PCDH15: variants seen among roughly 807,000 people sequenced by gnomAD.
The protein encoded by PCDH15 is protocadherin related 15, also known as protocadherin-15.
PCDH15 carries 129 observed loss-of-function variants against 178.5 expected under a neutral mutation model. The observed-to-expected ratio is 0.72, with a 90% CI of 0.63 to 0.84. The LOEUF is 0.84. PCDH15 is among the 40% of genes least tolerant of loss of function. The probability of loss-of-function intolerance (pLI) is 0.00; values close to 1 mark genes in which losing one functional copy is unlikely to be tolerated. For synonymous variants in PCDH15, 800 were observed against 732.0 expected (o/e 1.09, Z -1.50); for missense variants, 2,230 against 2,099.9 (o/e 1.06, Z -1.21).
At chr10:55,085,365 G>T (rs896538973) in intron 2 of PCDH15, among the ~76,000 whole-genome samples, 2 of 151,858 alleles carry the variant, frequency 1.3e-5, no homozygotes, top group South Asian at 2.1e-4. Flanking sequence ...GTTTGTGGTG[G>T]AGAAGTGGCA....
chr10:54,619,115 CT>C (rs1374650407), intron 2 of PCDH15: 1 of 151,630 alleles, frequency 6.6e-6, no homozygotes, highest in Non-Finnish European at 1.5e-5. Flanking sequence ...CTGAAAACAT[CT>C]TACATTTTAT....
intron 8 of PCDH15, among the ~76,000 whole-genome samples, chr10:54,316,968 A>G (rs752012947): frequency 3.6e-4 from 55 of 152,222 alleles, no homozygotes; most frequent in Admixed American, 8.5e-4. Context: ...TGCTGCACTG[A>G]TTATTTGGAG....
intron 2 of PCDH15, among the ~76,000 whole-genome samples, chr10:55,499,687 G>A (rs542938863): frequency 1.3e-5 from 2 of 151,708 alleles, no homozygotes; most frequent in South Asian, 2.1e-4. Context: ...AAAATTCCAT[G>A]TTGACATGTA....
At chr10:54,223,179 C>T (rs2053042449) in intron 9 of PCDH15, among the ~76,000 whole-genome samples, 1 of 151,218 alleles carries the variant, frequency 6.6e-6, no homozygotes, top group African/African-American at 2.4e-5. Flanking sequence ...GGCATGGTGG[C>T]ACTTGCCTGT....
intron 8 of PCDH15, among the ~76,000 whole-genome samples, chr10:54,250,345 C>T (rs1167570272): frequency 6.9e-6 from 1 of 144,856 alleles, no homozygotes; most frequent in Non-Finnish European, 1.5e-5. Context: ...GGCAGTGGCG[C>T]AATCTCGGCT....
intron 18 of PCDH15, among the ~76,000 whole-genome samples, chr10:54,064,963 C>T (rs190283851): frequency 9.2e-5 from 14 of 152,126 alleles, no homozygotes; most frequent in Non-Finnish European, 1.3e-4. Flanking sequence ...TTGCTCCCAC[C>T]GGCTCCCTGG....
At chr10:55,042,258 A>T (rs1200207829) in intron 2 of PCDH15, among the ~76,000 whole-genome samples, 1 of 152,190 alleles carries the variant, frequency 6.6e-6, no homozygotes, top group Non-Finnish European at 1.5e-5. Context: ...TCAACAAATT[A>T]TATTGCAAAT....
chr10:55,263,894 C>G (rs938631059), intron 1 of PCDH15, among the ~76,000 whole-genome samples: 1 of 151,918 alleles, frequency 6.6e-6, no homozygotes, highest in African/African-American at 2.4e-5. Flanking sequence ...GCCACCACGC[C>G]CGGCTAATTT....
rs140461322 is a variant in PCDH15, at chr10:54,013,301, C to T, written c.2751+6891G>A. On this transcript the variant is annotated intron_variant, in intron 20 of 37. Transcript: ENST00000644397. The stretch of plus-strand genomic sequence containing the variant: ...CTACAAAGAGACTTCGATTTCCACA[C>T]AATAGTGGGACATTTCAATACCCCA... Among the ~76,000 whole-genome samples, 893 of 152,174 alleles carry T rather than the reference C, an allele frequency of 5.9e-3. 5 individuals carry two copies. Among genetic ancestry groups the T allele is most frequent in the African/African-American group, 0.02 (826 of 41,544 alleles).
At chr10:54,468,668 T>C (rs2077690242) in intron 3 of PCDH15, among the ~76,000 whole-genome samples, 1 of 152,188 alleles carries the variant, frequency 6.6e-6, no homozygotes, top group African/African-American at 2.4e-5. Flanking sequence ...TTTATTGGGT[T>C]TAAAGTGCAA....
chr10:54,088,587 T>C (rs1482120405), intron 16 of PCDH15, among the ~76,000 whole-genome samples: 1 of 152,200 alleles, frequency 6.6e-6, no homozygotes, highest in Non-Finnish European at 1.5e-5. Flanking sequence ...TTAATCTTTG[T>C]GCATTTTGTG....
intron 2 of PCDH15, among the ~76,000 whole-genome samples, chr10:54,936,875 CTTT>C (rs939664424): frequency 2.0e-5 from 3 of 151,480 alleles, no homozygotes; most frequent in South Asian, 2.1e-4. Context: ...ATCTATTTTT[CTTT>C]TGTTGTTTGT....
intron 5 of PCDH15, among the ~76,000 whole-genome samples, chr10:54,347,178 AT>A (rs889721544): frequency 1.3e-5 from 2 of 151,118 alleles, no homozygotes; most frequent in Non-Finnish European, 3.0e-5. Flanking sequence ...AATCACCGTT[AT>A]TTTTTTTTAC....
chr10:54,647,041 T>C (rs534313261), intron 2 of PCDH15, among the ~76,000 whole-genome samples: 37 of 152,206 alleles, frequency 2.4e-4, no homozygotes, highest in Admixed American at 7.2e-4. Context: ...AGCACTACCA[T>C]GTTACTGCAG....
intron 2 of PCDH15, among the ~76,000 whole-genome samples, chr10:55,403,170 T>C (rs145312188): frequency 7.2e-5 from 11 of 152,156 alleles, no homozygotes; most frequent in African/African-American, 2.6e-4. Flanking sequence ...ATTCAGATTC[T>C]TTGCCTAGTT....
intron 1 of PCDH15, among the ~76,000 whole-genome samples, chr10:54,732,360 A>T (rs773057867): frequency 6.6e-6 from 1 of 151,458 alleles, no homozygotes; most frequent in African/African-American, 2.4e-5. Context: ...GAAAGACGGG[A>T]CATCACTATA....
chr10:55,330,477 G>T (rs1844170999), intron 2 of PCDH15, among the ~76,000 whole-genome samples: 2 of 151,768 alleles, frequency 1.3e-5, no homozygotes, highest in African/African-American at 4.8e-5. Context: ...TTTTCCTAAA[G>T]AATAAAAAGA....
chr10:54,706,931 C>T (rs886298158), intron 1 of PCDH15, among the ~76,000 whole-genome samples: 10 of 152,164 alleles, frequency 6.6e-5, no homozygotes, highest in Non-Finnish European at 1.2e-4. Flanking sequence ...CAGAAAGACA[C>T]ATTTTAAATC....
chr10:55,606,426 C>T lies in PCDH15; in HGVS notation c.-156+21199G>A, dbSNP rs1415750197. Among the ~76,000 whole-genome samples, 4 of 151,202 alleles carry T rather than the reference C, an allele frequency of 2.6e-5. No individual in the cohort carries two copies. In the East Asian group the frequency reaches 7.8e-4, roughly 29 times the overall value. Reference sequence around the variant, plus strand: ...AAGTTCATATGGAACCAAAAAAGAGCCCGCATTGCCAAGTCAACCATAAGC... The same window carrying T: ...AAGTTCATATGGAACCAAAAAAGAGTCCGCATTGCCAAGTCAACCATAAGC... On this transcript the variant is annotated intron_variant, in intron 2 of 5. Transcript: ENST00000613346.
Sources: allele counts gnomAD v4.1 joint callset (sites outside exome capture counted in the v4.1 genomes callset), GRCh38; gene constraint gnomAD v4.1.1; transcripts MANE v1.5; gene names NCBI Gene and HGNC (gene_info 2026-07-23, HGNC 2026-07-21).